LANCL1: variants seen among roughly 807,000 people sequenced by gnomAD.
LANCL1 encodes LanC like glutathione S-transferase 1, also known as glutathione S-transferase LANCL1.
LANCL1 carries 50 observed loss-of-function variants against 50.6 expected under a neutral mutation model. The ratio of observed to expected loss-of-function variants is 0.99; its 90% confidence interval spans 0.79 to 1.25. LANCL1 has a LOEUF of 1.25. LANCL1 is among the 50% of genes most tolerant of loss of function. The probability of loss-of-function intolerance (pLI) is 0.00; values close to 1 mark genes in which losing one functional copy is unlikely to be tolerated. For synonymous variants in LANCL1, 188 were observed against 178.6 expected (o/e 1.05, Z -0.42); for missense variants, 532 against 480.7 (o/e 1.11, Z -1.00).
chr2:210,451,510 CA>C (rs1250171876), intron 4 of LANCL1, among the ~76,000 whole-genome samples: 14 of 151,496 alleles, frequency 9.2e-5, no homozygotes, highest in African/African-American at 2.4e-4. Context: ...ATGATTTTTA[CA>C]AGCCATAATA....
At chr2:210,446,564 A>T (rs1003866695) in intron 4 of LANCL1, among the ~76,000 whole-genome samples, 1 of 152,102 alleles carries the variant, frequency 6.6e-6, no homozygotes, top group South Asian at 2.1e-4. Flanking sequence ...CCCCTGAGCT[A>T]AAGGAGCATG....
intron 3 of LANCL1, among the ~76,000 whole-genome samples, chr2:210,459,329 A>G: frequency 6.6e-6 from 1 of 152,148 alleles, no homozygotes; most frequent in Admixed American, 6.6e-5. Flanking sequence ...AAGACCAGAA[A>G]CTGTAAAACA....
Position 210,437,824 on chromosome 2 carries a change from T to C in LANCL1, c.739A>G (p.Ser247Gly), listed in dbSNP as rs1692987052. 5.0e-6 allele frequency: 8 copies of C among 1,612,318 alleles called. No individual in the cohort carries two copies. Among genetic ancestry groups the C allele is most frequent in the Non-Finnish European group, 6.8e-6 (8 of 1,179,452 alleles). ...TTCAGCTGGCAGACGTAGTCTACAC[T>C]GGGCTTGACCAAACTATGTAACTTC... ...QGKLHSLVKP[S>G]VDYVCQLKFP... Residue 247 changes from serine (S) to glycine (G), a missense_variant, in exon 7 of 10, where the codon AGT (serine) becomes GGT (glycine). By Grantham distance (56) the Ser-to-Gly change is moderately conservative (BLOSUM62 0). Coordinates refer to ENST00000450366, the MANE Select transcript of LANCL1 (RefSeq NM_006055.3).
chr2:210,440,340 G>A (rs952476861), intron 6 of LANCL1, among the ~76,000 whole-genome samples: 2 of 152,218 alleles, frequency 1.3e-5, no homozygotes, highest in Non-Finnish European at 1.5e-5. Context: ...GTCTGCACAA[G>A]TGGCACTAAG....
intron 3 of LANCL1, among the ~76,000 whole-genome samples, chr2:210,467,806 G>A (rs1694114815): frequency 6.6e-6 from 1 of 152,096 alleles, no homozygotes; most frequent in African/African-American, 2.4e-5. Flanking sequence ...AAGATCAACT[G>A]AGCAACTAAG....
rs1464911848 is a variant in LANCL1, at chr2:210,469,988, A to G, written c.199+1971T>C. Among the ~76,000 whole-genome samples the G allele has an allele frequency of 6.9e-5, 10 of 144,434 alleles. No homozygotes were observed. In the East Asian group the frequency reaches 1.9e-3, roughly 27 times the overall value. 94.8% of individuals were successfully genotyped at this position (144,434 alleles called of 152,430 possible). On this transcript the variant is annotated intron_variant, in intron 3 of 9. Transcript: ENST00000450366. ...CTAGTGATTTTTTTTTTTGGCAAGG[A>G]ATAACAAAATAATAGAAACTCCATA...
rs754839158 is a variant in LANCL1 at position 210,472,045 on chromosome 2, T to C, written c.113A>G (p.Asn38Ser). The C allele has an allele frequency of 5.3e-5, 85 of 1,614,002 alleles. No individual in the cohort carries two copies. The highest frequency in any genetic ancestry group is 2.5e-4 in the South Asian group (23 of 91,082). Residue 38 changes from asparagine to serine, a missense_variant, in exon 3 of 10, where the codon AAT becomes AGT. Asn to Ser is a conservative substitution (Grantham distance 46). Coordinates refer to ENST00000450366, the MANE Select transcript of LANCL1 (RefSeq NM_006055.3). Reference protein sequence around the residue: ...LTPEFSQRLTNKIRELLQQME... With the variant: ...LTPEFSQRLTSKIRELLQQME... The stretch of plus-strand genomic sequence containing the variant: ...TTGCTGAAGAAGCTCCCGAATCTTA[T>C]TGGTCAAGCGTTGTGAGAACTCAGG...
At chr2:210,469,834 A>T (rs1273170976) in intron 3 of LANCL1, among the ~76,000 whole-genome samples, 1 of 152,230 alleles carries the variant, frequency 6.6e-6, no homozygotes, top group African/African-American at 2.4e-5. Flanking sequence ...GTCAAACTTA[A>T]TTCAAACTTG....
rs1040824023 is a variant in LANCL1, at chr2:210,433,983, C to A, written c.*504G>T. The A allele has an allele frequency of 1.3e-5, 2 of 152,098 alleles. No homozygotes were observed. The highest frequency in any genetic ancestry group is 2.4e-5 in the African/African-American group (1 of 41,420). 9.4% of individuals were successfully genotyped at this position (152,098 alleles called of 1,614,324 possible). On this transcript the variant is annotated 3_prime_UTR_variant, in exon 10 of 10. Transcript: ENST00000450366. ...ACTCTTGGAATTTTTCTCCTGGAAGCATTTAGTTATATTTCTGTCCCCTTT... is the reference window on the plus strand; with the variant it reads ...ACTCTTGGAATTTTTCTCCTGGAAGAATTTAGTTATATTTCTGTCCCCTTT...
chr2:210,463,262 G>A (rs772283257), intron 3 of LANCL1, among the ~76,000 whole-genome samples: 3 of 151,942 alleles, frequency 2.0e-5, no homozygotes, highest in Non-Finnish European at 2.9e-5. Context: ...TCAGGCTGGA[G>A]TACAGTGGCA....
intron 4 of LANCL1, among the ~76,000 whole-genome samples, chr2:210,451,959 ATAAAATACG>A (rs1371606347): frequency 1.3e-5 from 2 of 152,242 alleles, no homozygotes; most frequent in East Asian, 1.9e-4. Context: ...ATCCACTTAT[ATAAAATACG>A]TAAAATAAGC....
At chr2:210,475,082 T>G (rs779270386) in intron 2 of LANCL1, among the ~76,000 whole-genome samples, 10 of 152,232 alleles carry the variant, frequency 6.6e-5, no homozygotes, top group Non-Finnish European at 1.0e-4. Flanking sequence ...CCTTCTACCC[T>G]ACACCTCTTC....
intron 4 of LANCL1, among the ~76,000 whole-genome samples, chr2:210,452,549 C>A (rs977266281): frequency 6.6e-6 from 1 of 152,158 alleles, no homozygotes; most frequent in East Asian, 1.9e-4. Flanking sequence ...CACACACACA[C>A]CCTCCTTTTG....
chr2:210,441,581 GTCACGGT>G, intron 4 of LANCL1, 138 bp from the exon 5 acceptor site: 1 of 619,130 alleles, frequency 1.6e-6, no homozygotes, highest in Non-Finnish European at 2.7e-6. Context: ...TTATAGAACA[GTCACGGT>G]TCACAGATTA....
chr2:210,442,390 T>C (rs1424987287), intron 4 of LANCL1, among the ~76,000 whole-genome samples: 8 of 152,220 alleles, frequency 5.3e-5, no homozygotes. Context: ...TATTTAACAA[T>C]ACATCTTGAC....
At position 210,475,202 on chromosome 2, in the gene LANCL1, G is replaced by C. The variant is rs1694322034; in HGVS notation, c.81+1114C>G. On this transcript the variant is annotated intron_variant, in intron 2 of 9. Coordinates refer to ENST00000450366, the MANE Select transcript of LANCL1 (RefSeq NM_006055.3). ...TCAGACCCACAGATTAATTTGACAGGGATGAAATCTGTAAGGCCTTTATAT... is the reference window on the plus strand; with the variant it reads ...TCAGACCCACAGATTAATTTGACAGCGATGAAATCTGTAAGGCCTTTATAT... 2.0e-5 allele frequency among the ~76,000 whole-genome samples: 3 copies of C among 152,140 alleles called. No homozygotes were observed. In the South Asian group the frequency reaches 6.2e-4, roughly 32 times the overall value.
chr2:210,441,507 A>G lies in LANCL1; in HGVS notation c.408-64T>C, dbSNP rs1033740464. ...AACCAGGTATTGGTGTATACTTAAA[A>G]ATGGTACATTGAAAAAAATATACAT... On this transcript the variant is annotated intron_variant, in intron 4 of 9. Transcript: ENST00000450366. The G allele has an allele frequency of 1.3e-4, 189 of 1,411,122 alleles. 2 individuals carry two copies. Among genetic ancestry groups the G allele is most frequent in the Middle Eastern group, 4.0e-4 (2 of 4,976 alleles). 87.4% of individuals were successfully genotyped at this position (1,411,122 alleles called of 1,614,324 possible). A position where few individuals can be genotyped will look rare whatever the true frequency, so the allele number is the denominator to read the frequency against.
intron 4 of LANCL1, among the ~76,000 whole-genome samples, chr2:210,446,518 CG>C (rs1168959768): frequency 6.6e-6 from 1 of 151,958 alleles, no homozygotes; most frequent in Non-Finnish European, 1.5e-5. Context: ...GACAAATTGA[CG>C]GAAGTAGGCT....
intron 3 of LANCL1, among the ~76,000 whole-genome samples, chr2:210,457,491 C>T (rs766982736): frequency 3.3e-5 from 5 of 152,158 alleles, no homozygotes; most frequent in Admixed American, 6.6e-5. Context: ...AATAAAAACA[C>T]AACTTCACGG....
Sources: allele counts gnomAD v4.1 joint callset (sites outside exome capture counted in the v4.1 genomes callset), GRCh38; gene constraint gnomAD v4.1.1; transcripts MANE v1.5; gene names NCBI Gene and HGNC (gene_info 2026-07-23, HGNC 2026-07-21).